The following IL36B variants were observed in gnomAD, a reference collection of about 807,000 sequenced individuals.
IL36B encodes interleukin 36 beta.
Under a neutral mutation model 19.3 loss-of-function variants are expected in IL36B, and 23 were observed. The observed-to-expected ratio is 1.19, with a 90% confidence interval of 0.86 to 1.69. IL36B has a LOEUF of 1.69. IL36B is among the 40% of genes most tolerant of loss of function. The pLI is 0.00. For missense variants in IL36B, 217 were observed against 200.5 expected (o/e 1.08, Z -0.50); for synonymous variants, 59 against 59.7 (o/e 0.99, Z 0.05).
At chr2:113,025,251 T>A (rs1261773929) in intron 5 of IL36B, among the ~76,000 whole-genome samples, 1 of 152,184 alleles carries the variant, frequency 6.6e-6, no homozygotes, top group Non-Finnish European at 1.5e-5. Context: ...GACAGGGAAA[T>A]TTCTGAGCAG....
chr2:113,041,743 C>A (rs2105053224), intron 1 of IL36B, among the ~76,000 whole-genome samples: 1 of 152,192 alleles, frequency 6.6e-6, no homozygotes, highest in African/African-American at 2.4e-5. Flanking sequence ...AAAAGTTAAG[C>A]AATCTAATTT....
intron 1 of IL36B, among the ~76,000 whole-genome samples, chr2:113,037,766 G>A (rs919383574): frequency 6.6e-6 from 1 of 151,742 alleles, no homozygotes; most frequent in Non-Finnish European, 1.5e-5. Context: ...AATATTTTCT[G>A]TCATTTTGTA....
chr2:113,035,918 G>T (rs944997766), intron 1 of IL36B, among the ~76,000 whole-genome samples: 29 of 152,116 alleles, frequency 1.9e-4, no homozygotes, highest in Admixed American at 2.6e-4. Context: ...AATGGTCAGG[G>T]CTCTGTTGTT....
At chr2:113,033,438 T>C (rs1213071802) in intron 1 of IL36B, among the ~76,000 whole-genome samples, 1 of 152,166 alleles carries the variant, frequency 6.6e-6, no homozygotes, top group Non-Finnish European at 1.5e-5. Context: ...GGGGTTTCAC[T>C]GTGTTGCCCA....
At chr2:113,040,905 C>T (rs569965185) in intron 1 of IL36B, among the ~76,000 whole-genome samples, 1 of 152,154 alleles carries the variant, frequency 6.6e-6, no homozygotes, top group East Asian at 1.9e-4. Context: ...CCTGTAATTC[C>T]AGCACTTTGG....
intron 5 of IL36B, among the ~76,000 whole-genome samples, chr2:113,025,147 A>T (rs1010589540): frequency 3.9e-5 from 6 of 152,170 alleles, no homozygotes; most frequent in Non-Finnish European, 7.3e-5. Flanking sequence ...GTTATGTTTC[A>T]TTTCTGCAGC....
intron 1 of IL36B, among the ~76,000 whole-genome samples, chr2:113,044,584 T>G (rs1226642883): frequency 6.6e-6 from 1 of 152,234 alleles, no homozygotes; most frequent in Non-Finnish European, 1.5e-5. Flanking sequence ...TTCCATCATG[T>G]TCCTTTTAGC....
At chr2:113,040,926 T>C (rs1573374361) in intron 1 of IL36B, among the ~76,000 whole-genome samples, 1 of 150,850 alleles carries the variant, frequency 6.6e-6, no homozygotes, top group South Asian at 2.1e-4. Context: ...AAGGCCAAGG[T>C]GGGAGGATGG....
chr2:113,051,688 C>T (rs1320962309), intron 1 of IL36B, among the ~76,000 whole-genome samples: 1 of 152,172 alleles, frequency 6.6e-6, no homozygotes, highest in African/African-American at 2.4e-5. Flanking sequence ...GTACCCTTCC[C>T]CTCTGATGTG....
chr2:113,031,004 T>C (rs978699402), intron 3 of IL36B, 44 bp downstream of exon 3: 6 of 1,356,780 alleles, frequency 4.4e-6, no homozygotes, highest in Admixed American at 1.7e-5. Flanking sequence ...CTGGTGAAGA[T>C]GGCATCACCT....
Position 113,022,571 on chromosome 2 carries a change from CAAGAA to C in IL36B, c.*98_*102del, listed in dbSNP as rs1210056057. 15 of 747,122 alleles carry C rather than the reference CAAGAA, an allele frequency of 2.0e-5. No individual in the cohort carries two copies. The highest frequency in any genetic ancestry group is 3.5e-5 in the Non-Finnish European group (15 of 432,250). 46.3% of individuals were successfully genotyped at this position (747,122 alleles called of 1,614,324 possible). On this transcript the variant is annotated 3_prime_UTR_variant, in exon 6 of 6. Coordinates refer to ENST00000259213, the MANE Select transcript of IL36B (RefSeq NM_014438.5). Reference sequence around the variant, plus strand: ...CTTGTTTTACAAACTCTCCAGAACCCAAGAAAAGAGAAAAATTTCTGCAACTTATT... The same window carrying C: ...CTTGTTTTACAAACTCTCCAGAACCCAAGAGAAAAATTTCTGCAACTTATT...
chr2:113,047,420 G>A lies in IL36B; in HGVS notation c.-58+5397C>T, dbSNP rs13398479. ...TGGATTTTGAAAGATTTCAGATTTTGAATTTTGAGACTAGGGAGGCTCAAC... is the reference window on the plus strand; with the variant it reads ...TGGATTTTGAAAGATTTCAGATTTTAAATTTTGAGACTAGGGAGGCTCAAC... On this transcript the variant is annotated intron_variant, in intron 1 of 5. Transcript: ENST00000259213. Among the ~76,000 whole-genome samples the A allele has an allele frequency of 8.8e-3, 1,334 of 152,226 alleles. 20 individuals are homozygous for A. Among genetic ancestry groups the A allele is most frequent in the African/African-American group, 0.031 (1,276 of 41,502 alleles).
chr2:113,022,621 G>A lies in IL36B; in HGVS notation c.*53C>T. On this transcript the variant is annotated 3_prime_UTR_variant, in exon 6 of 6. Transcript: ENST00000259213. ...CTTATTCCATTTGTAGCATTTCATTGATAGCAAACCCACTCAAAGATTGTA... is the reference window on the plus strand; with the variant it reads ...CTTATTCCATTTGTAGCATTTCATTAATAGCAAACCCACTCAAAGATTGTA... 1 of 1,155,622 alleles carries A rather than the reference G, an allele frequency of 8.7e-7. No individual in the cohort carries two copies. The allele number at this position is 1,155,622 out of a possible 1,614,324, so 71.6% of individuals were successfully genotyped here.
At chr2:113,048,241 G>A (rs1278533879) in intron 1 of IL36B, among the ~76,000 whole-genome samples, 8 of 152,170 alleles carry the variant, frequency 5.3e-5, no homozygotes, top group Non-Finnish European at 8.8e-5. Flanking sequence ...GTGAAACCCT[G>A]TCTCTACTAA....
chr2:113,047,476 C>T (rs189976128), intron 1 of IL36B, among the ~76,000 whole-genome samples: 15 of 152,150 alleles, frequency 9.9e-5, no homozygotes, highest in African/African-American at 3.6e-4. Flanking sequence ...AGCTTAATTC[C>T]GTAGTGTAAT....
At chr2:113,028,284 ACTGGGTTCCCATAGC>A (rs1415888342) in intron 4 of IL36B, among the ~76,000 whole-genome samples, 169 bp from the exon 5 acceptor site, 2 of 152,256 alleles carry the variant, frequency 1.3e-5, no homozygotes, top group East Asian at 3.9e-4. Context: ...ACGGGAACTC[ACTGGGTTCCCATAGC>A]CTGGCTCCAC....
intron 4 of IL36B, among the ~76,000 whole-genome samples, chr2:113,026,429 T>C (rs1275016250): frequency 6.6e-6 from 1 of 152,122 alleles, no homozygotes; most frequent in Non-Finnish European, 1.5e-5. Context: ...TGGGGACAAA[T>C]TATGCCTGGC....
At chr2:113,028,263 G>A (rs1022182966) in intron 4 of IL36B, 148 bp from the exon 5 acceptor site, 3 of 661,692 alleles carry the variant, frequency 4.5e-6, no homozygotes, top group Non-Finnish European at 7.7e-6. Context: ...CAGGGCATTA[G>A]AGTGTTAAAA....
At chr2:113,048,762 G>A (rs1343684073) in intron 1 of IL36B, among the ~76,000 whole-genome samples, 8 of 151,750 alleles carry the variant, frequency 5.3e-5, no homozygotes, top group Non-Finnish European at 8.8e-5. Context: ...AATAGAAGAG[G>A]GACATCACTA....
Sources: allele counts gnomAD v4.1 joint callset (sites outside exome capture counted in the v4.1 genomes callset), GRCh38; gene constraint gnomAD v4.1.1; transcripts MANE v1.5; gene names NCBI Gene and HGNC (gene_info 2026-07-23, HGNC 2026-07-21).